The following OSBPL3 variants were observed in gnomAD, a reference collection of about 807,000 sequenced individuals.
OSBPL3 encodes the protein oxysterol-binding protein-related protein 3.
OSBPL3 carries 65 observed loss-of-function variants against 120.1 expected under a neutral mutation model. The ratio of observed to expected loss-of-function variants is 0.54; its 90% confidence interval spans 0.44 to 0.67. The LOEUF is 0.67. Among genes scored for constraint, OSBPL3 ranks in the 30% least tolerant of loss-of-function variants. OSBPL3 has a pLI of 0.00. For missense variants in OSBPL3, 1,004 were observed against 1,082.1 expected (o/e 0.93, Z 1.01); for synonymous variants, 416 against 402.6 (o/e 1.03, Z -0.40).
rs778153602 is a variant in OSBPL3, at chr7:24,871,919, G to T, written c.213+34C>A. On this transcript the variant is annotated intron_variant, in intron 3 of 22. Coordinates refer to ENST00000313367, the MANE Select transcript of OSBPL3 (RefSeq NM_015550.4). This position sits in a 1 kb window ranked among gnomAD's most constrained non-coding sequence, Gnocchi z 4.8. ...CCAGGTGCTGAGTGGGGCAGTGTGA[G>T]TGCAAATAAAGGGGAGGCCAAGACC... The T allele has an allele frequency of 3.3e-6, 5 of 1,510,230 alleles. No homozygotes were observed. The South Asian group carries it at 5.6e-5, about 17-fold the overall frequency. The allele number at this position is 1,510,230 out of a possible 1,614,324, so 93.6% of individuals were successfully genotyped here. A position where few individuals can be genotyped will look rare whatever the true frequency, so the allele number is the denominator to read the frequency against.
In OSBPL3 at chr7:24,915,810, A is replaced by G. The variant is rs138352588; in HGVS notation, c.-149-23189T>C. On this transcript the variant is annotated intron_variant, in intron 1 of 22. Coordinates refer to ENST00000313367, the MANE Select transcript of OSBPL3 (RefSeq NM_015550.4). ...CAGACTGGTCTCGAACTTCTGACCTAGTGGTCCACCCACCTCGGCATCCCA... is the reference window on the plus strand; with the variant it reads ...CAGACTGGTCTCGAACTTCTGACCTGGTGGTCCACCCACCTCGGCATCCCA... Among the ~76,000 whole-genome samples, 881 of 152,242 alleles carry G rather than the reference A, an allele frequency of 5.8e-3. 11 individuals are homozygous for G. Among genetic ancestry groups the G allele is most frequent in the African/African-American group, 0.02 (826 of 41,562 alleles).
chr7:24,857,665 T>G (rs1434389992), intron 10 of OSBPL3, among the ~76,000 whole-genome samples: 1 of 152,232 alleles, frequency 6.6e-6, no homozygotes, highest in African/African-American at 2.4e-5. Context: ...AAAAGGCTTA[T>G]TATTTACAAT....
chr7:24,818,581 T>C lies in OSBPL3; in HGVS notation c.1948+1594A>G, dbSNP rs1794755430. ...TAACAAGAAACAAAACAGGTAAGTA[T>C]AGCTAATAAGCTAACAGGGGAGATG... On this transcript the variant is annotated intron_variant, in intron 17 of 22. Transcript: ENST00000313367. The surrounding 1 kb of genome is among the most constrained non-coding windows in gnomAD (Gnocchi z 4.0). 6.6e-6 allele frequency among the ~76,000 whole-genome samples: 1 copy of C among 152,156 alleles called. No homozygotes were observed. Among genetic ancestry groups the C allele is most frequent in the Non-Finnish European group, 1.5e-5 (1 of 68,038 alleles).
chr7:24,852,741 G>T lies in OSBPL3; in HGVS notation c.1028-107C>A. 1.4e-6 allele frequency: 1 copy of T among 720,512 alleles called. No individual in the cohort carries two copies. Among genetic ancestry groups the T allele is most frequent in the Non-Finnish European group, 2.1e-6 (1 of 467,234 alleles). 44.6% of individuals were successfully genotyped at this position (720,512 alleles called of 1,614,324 possible). A position where few individuals can be genotyped will look rare whatever the true frequency, so the allele number is the denominator to read the frequency against. ...AAGAAACAAGCAAAGTAACAGCCCT[G>T]AATATTTTGAGTATAGCAAATGTAC... On this transcript the variant is annotated intron_variant, in intron 10 of 22. Transcript: ENST00000313367. This position sits in a 1 kb window ranked among gnomAD's most constrained non-coding sequence, Gnocchi z 4.1.
intron 1 of OSBPL3, among the ~76,000 whole-genome samples, chr7:24,926,659 A>G (rs1811089273): frequency 6.6e-6 from 1 of 152,192 alleles, no homozygotes; most frequent in Admixed American, 6.5e-5. Flanking sequence ...TCGCAGCTCA[A>G]ATGAGGCCTT....
Position 24,863,540 on chromosome 7 carries a change from C to T in OSBPL3, c.733G>A (p.Val245Ile), listed in dbSNP as rs150182562. 2.2e-5 allele frequency: 36 copies of T among 1,614,078 alleles called. No individual in the cohort carries two copies. In the East Asian group the frequency reaches 4.0e-4, roughly 18 times the overall value. Reference sequence around the variant, plus strand: ...GGTGCCGAGTATGTCCGATGCAGGACGTCCATGCTTTGCAGGAGCTGGCTC... The same window carrying T: ...GGTGCCGAGTATGTCCGATGCAGGATGTCCATGCTTTGCAGGAGCTGGCTC... ...EMSQLLQSMD[V>I]LHRTYSAPAI... Residue 245 changes from valine (V) to isoleucine (I), a missense_variant, in exon 8 of 23, where the codon GTC becomes ATC. Val to Ile is a conservative substitution (Grantham distance 29, BLOSUM62 3). This residue lies in a region of OSBPL3 where 272 missense variants were observed against 248.8 expected (regional missense o/e 1.09). Coordinates refer to ENST00000313367, the MANE Select transcript of OSBPL3 (RefSeq NM_015550.4). This position sits in a 1 kb window ranked among gnomAD's most constrained non-coding sequence, Gnocchi z 5.8.
chr7:24,887,019 A>G (rs1804627970), intron 2 of OSBPL3, among the ~76,000 whole-genome samples: 1 of 152,208 alleles, frequency 6.6e-6, no homozygotes, highest in African/African-American at 2.4e-5. Context: ...ATTCACATTT[A>G]CTATGTAAAT....
chr7:24,845,426 C>A (rs1381265854), intron 12 of OSBPL3, among the ~76,000 whole-genome samples: 1 of 133,184 alleles, frequency 7.5e-6, no homozygotes, highest in African/African-American at 2.8e-5. Context: ...AAAACCCATA[C>A]CTATCTGTAT....
rs1802502222 is a variant in OSBPL3, at chr7:24,873,897, T to C, written c.97-1828A>G. On this transcript the variant is annotated intron_variant, in intron 2 of 22. Transcript: ENST00000313367. The surrounding 1 kb of genome is among the most constrained non-coding windows in gnomAD (Gnocchi z 4.1). Reference sequence around the variant, plus strand: ...TCCTCCAGTGGAAAATACCATTTCATCCTTAGAGACTCCATAGGTACTCCA... The same window carrying C: ...TCCTCCAGTGGAAAATACCATTTCACCCTTAGAGACTCCATAGGTACTCCA... Among the ~76,000 whole-genome samples, 1 of 152,202 alleles carries C rather than the reference T, an allele frequency of 6.6e-6. No individual in the cohort carries two copies. The highest frequency in any genetic ancestry group is 1.5e-5 in the Non-Finnish European group (1 of 68,026).
intron 1 of OSBPL3, among the ~76,000 whole-genome samples, chr7:24,963,725 C>G (rs1816053451): frequency 6.6e-6 from 1 of 152,210 alleles, no homozygotes; most frequent in African/African-American, 2.4e-5. Flanking sequence ...TTAGATAAAC[C>G]ATTTCACCTT....
chr7:24,975,026 T>C (rs1817428976), intron 1 of OSBPL3, among the ~76,000 whole-genome samples: 1 of 152,232 alleles, frequency 6.6e-6, no homozygotes, highest in Admixed American at 6.5e-5. Flanking sequence ...TGGTGAGCTA[T>C]GAGTCTAGAC....
At chr7:24,901,278 T>C (rs1226156499) in intron 1 of OSBPL3, among the ~76,000 whole-genome samples, 1 of 151,230 alleles carries the variant, frequency 6.6e-6, no homozygotes, top group East Asian at 2.0e-4. Flanking sequence ...ATGGCGCCAC[T>C]GTACTCCAGC....
intron 1 of OSBPL3, among the ~76,000 whole-genome samples, chr7:24,919,524 A>C (rs1253442513): frequency 6.6e-6 from 1 of 152,136 alleles, no homozygotes; most frequent in Non-Finnish European, 1.5e-5. Flanking sequence ...AAATGGACCA[A>C]AGGCATAAAT....
rs1562879710 is a variant in OSBPL3, at chr7:24,883,277, G to C, written c.96+9100C>G. Among the ~76,000 whole-genome samples, 1 of 152,048 alleles carries C rather than the reference G, an allele frequency of 6.6e-6. No homozygotes were observed. The highest frequency in any genetic ancestry group is 2.4e-5 in the African/African-American group (1 of 41,396). On this transcript the variant is annotated intron_variant, in intron 2 of 22. Coordinates refer to ENST00000313367, the MANE Select transcript of OSBPL3 (RefSeq NM_015550.4). The surrounding 1 kb of genome is among the most constrained non-coding windows in gnomAD (Gnocchi z 5.4). ...TAGGGCCAGGGTGTAGGTTTTAGAG[G>C]GATATCAGATGACACTAGGGAAGTC...
chr7:24,868,821 C>T (rs893735014), intron 5 of OSBPL3, among the ~76,000 whole-genome samples: 3 of 152,180 alleles, frequency 2.0e-5, no homozygotes, highest in Non-Finnish European at 2.9e-5. Flanking sequence ...TTCCTCTGAT[C>T]TCTTCTCAGA....
intron 6 of OSBPL3, 104 bp from the exon 7 acceptor site, chr7:24,865,569 T>C: frequency 9.0e-7 from 1 of 1,110,440 alleles, no homozygotes; most frequent in Non-Finnish European, 1.3e-6. Flanking sequence ...ATGGACACCA[T>C]CTGCCTATAA....
chr7:24,875,300 C>T (rs1370630403), intron 2 of OSBPL3, among the ~76,000 whole-genome samples: 1 of 152,144 alleles, frequency 6.6e-6, no homozygotes, highest in Non-Finnish European at 1.5e-5. Context: ...TTTTAGAGAA[C>T]GATATTGCTG....
rs1792944988 is a variant in OSBPL3, at chr7:24,805,713, A to T, written c.2444+1063T>A. ...TAGGGGAATGGGCCCATTTGGGACCAACTGTTACAGCTGACATACGTAAAC... is the reference window on the plus strand; with the variant it reads ...TAGGGGAATGGGCCCATTTGGGACCTACTGTTACAGCTGACATACGTAAAC... On this transcript the variant is annotated intron_variant, in intron 21 of 22. Transcript: ENST00000313367. The surrounding 1 kb of genome is among the most constrained non-coding windows in gnomAD (Gnocchi z 4.0). Among the ~76,000 whole-genome samples, 1 of 152,254 alleles carries T rather than the reference A, an allele frequency of 6.6e-6. No homozygotes were observed. The highest frequency in any genetic ancestry group is 2.4e-5 in the African/African-American group (1 of 41,460).
intron 19 of OSBPL3, 115 bp downstream of exon 19, chr7:24,814,944 C>T: frequency 2.1e-6 from 2 of 956,862 alleles, no homozygotes; most frequent in Non-Finnish European, 3.2e-6. Flanking sequence ...TCAGGCATTG[C>T]TTGCCTGCTG....
Sources: allele counts gnomAD v4.1 joint callset (sites outside exome capture counted in the v4.1 genomes callset), GRCh38; gene constraint gnomAD v4.1.1; regional missense constraint gnomAD v4.1.1; non-coding constraint Gnocchi (gnomAD v3.1); transcripts MANE v1.5; gene names NCBI Gene and HGNC (gene_info 2026-07-23, HGNC 2026-07-21).